Variants in VAV3 observed in about 807,000 individuals in gnomAD.
The protein encoded by VAV3 is guanine nucleotide exchange factor VAV3.
VAV3 carries 94 observed loss-of-function variants against 131.2 expected under a neutral mutation model. The observed-to-expected ratio is 0.72, with a 90% CI of 0.61 to 0.85. VAV3 has a LOEUF of 0.85. Ranked by LOEUF, VAV3 falls within the 40% of genes least tolerant of loss-of-function variation. The probability of loss-of-function intolerance (pLI) is 0.00; values close to 1 mark genes in which losing one functional copy is unlikely to be tolerated. For missense variants in VAV3, 939 were observed against 1,002.7 expected (o/e 0.94, Z 0.86); for synonymous variants, 349 against 342.0 (o/e 1.02, Z -0.22).
chr1:107,767,195 A>C (rs1351335699), intron 7 of VAV3, among the ~76,000 whole-genome samples: 1 of 152,216 alleles, frequency 6.6e-6, no homozygotes, highest in Non-Finnish European at 1.5e-5. Flanking sequence ...GGAGCAAATA[A>C]ATTGTATTCG....
chr1:107,725,173 C>G (rs1163697005), intron 15 of VAV3, among the ~76,000 whole-genome samples: 1 of 152,114 alleles, frequency 6.6e-6, no homozygotes, highest in Non-Finnish European at 1.5e-5. Context: ...TTACAACAGT[C>G]AGTTGGGAGT....
chr1:107,642,988 T>C (rs557643596), intron 19 of VAV3, among the ~76,000 whole-genome samples: 1 of 152,132 alleles, frequency 6.6e-6, no homozygotes, highest in Non-Finnish European at 1.5e-5. Flanking sequence ...TCCTCTCCCT[T>C]ACCATCAATC....
In VAV3 at chr1:107,573,955, A is replaced by G; in HGVS notation, c.2502+92T>C. ...TGTGGGCTGAAAGCTGTAATACAGT[A>G]TAGAGGCTTCTCCCTGGTGCCACAA... On this transcript the variant is annotated intron_variant, in intron 26 of 26. Transcript: ENST00000370056. The G allele has an allele frequency of 3.2e-6, 5 of 1,542,098 alleles. No individual in the cohort carries two copies. The South Asian group carries it at 6.3e-5, about 19-fold the overall frequency.
intron 1 of VAV3, among the ~76,000 whole-genome samples, chr1:107,933,859 G>A (rs915694005): frequency 2.0e-5 from 3 of 150,570 alleles, no homozygotes; most frequent in African/African-American, 2.4e-5. Context: ...TGAAAATTGC[G>A]ATTTTAAAAA....
intron 12 of VAV3, 39 bp downstream of exon 12, chr1:107,755,388 G>A (rs755535080): frequency 2.8e-6 from 4 of 1,403,942 alleles, no homozygotes; most frequent in African/African-American, 2.8e-5. Context: ...TCGTTGATGT[G>A]GGGGTGAGGG....
intron 2 of VAV3, among the ~76,000 whole-genome samples, chr1:107,816,405 T>C (rs948831636): frequency 6.6e-6 from 1 of 152,168 alleles, no homozygotes; most frequent in Non-Finnish European, 1.5e-5. Context: ...GCCAAGCATA[T>C]AGTGGTGATC....
intron 25 of VAV3, among the ~76,000 whole-genome samples, chr1:107,574,570 T>C (rs958648999): frequency 1.3e-5 from 2 of 152,232 alleles, no homozygotes; most frequent in African/African-American, 4.8e-5. Context: ...ACACTTCCTA[T>C]TGATGGCCCA....
At chr1:107,619,640 T>A (rs1653420597) in intron 20 of VAV3, among the ~76,000 whole-genome samples, 1 of 152,056 alleles carries the variant, frequency 6.6e-6, no homozygotes, top group Non-Finnish European at 1.5e-5. Context: ...AGGAAATAAG[T>A]CTATTTTGCG....
At chr1:107,582,760 G>C (rs1296224665) in intron 25 of VAV3, among the ~76,000 whole-genome samples, 1 of 152,018 alleles carries the variant, frequency 6.6e-6, no homozygotes, top group African/African-American at 2.4e-5. Context: ...TTTTATGGCT[G>C]CATAGTATTC....
At chr1:107,754,911 C>G (rs1664010567) in intron 12 of VAV3, among the ~76,000 whole-genome samples, 1 of 152,108 alleles carries the variant, frequency 6.6e-6, no homozygotes, top group Non-Finnish European at 1.5e-5. Context: ...CTTATCTAAA[C>G]TAGGACTCCC....
At chr1:107,753,083 A>G (rs1324183747) in intron 12 of VAV3, among the ~76,000 whole-genome samples, 4 of 152,158 alleles carry the variant, frequency 2.6e-5, no homozygotes, top group Non-Finnish European at 4.4e-5. Flanking sequence ...ACAGTGAGGT[A>G]TTTATATAAA....
At chr1:107,674,788 G>T (rs1468177128) in intron 19 of VAV3, among the ~76,000 whole-genome samples, 4 of 152,146 alleles carry the variant, frequency 2.6e-5, no homozygotes, top group Admixed American at 2.6e-4. Flanking sequence ...ATATGGCAAA[G>T]GTGATGGGAT....
chr1:107,585,432 G>A (rs1180952842), intron 25 of VAV3, among the ~76,000 whole-genome samples: 3 of 151,846 alleles, frequency 2.0e-5, no homozygotes, highest in African/African-American at 7.3e-5. Context: ...TTTCTCCTTT[G>A]CCCACATCCC....
chr1:107,635,278 T>C (rs1327005075), intron 20 of VAV3, among the ~76,000 whole-genome samples: 1 of 152,002 alleles, frequency 6.6e-6, no homozygotes, highest in Non-Finnish European at 1.5e-5. Context: ...CACCAAGGAA[T>C]ACTATGCAGC....
intron 2 of VAV3, among the ~76,000 whole-genome samples, chr1:107,873,691 A>T (rs898308552): frequency 2.0e-5 from 3 of 152,142 alleles, no homozygotes; most frequent in African/African-American, 7.2e-5. Flanking sequence ...TTGGACCTCA[A>T]GACAGTTAAA....
chr1:107,734,220 C>T (rs527315009), intron 15 of VAV3, among the ~76,000 whole-genome samples: 42 of 152,172 alleles, frequency 2.8e-4, no homozygotes, highest in African/African-American at 8.9e-4. Context: ...GCACTAAACA[C>T]GGAAAGGAAC....
intron 2 of VAV3, among the ~76,000 whole-genome samples, chr1:107,860,221 A>G (rs1050958181): frequency 1.3e-5 from 2 of 152,170 alleles, no homozygotes; most frequent in Non-Finnish European, 2.9e-5. Flanking sequence ...TCTTGACTCA[A>G]GCCATCCTCC....
chr1:107,780,635 C>T (rs1445351372), intron 2 of VAV3, among the ~76,000 whole-genome samples: 36 of 152,080 alleles, frequency 2.4e-4, no homozygotes, highest in Admixed American at 2.4e-3. Flanking sequence ...CATGCCTCAG[C>T]CTCTCAAGTA....
intron 15 of VAV3, among the ~76,000 whole-genome samples, chr1:107,711,803 T>C (rs1660798984): frequency 1.3e-5 from 2 of 152,196 alleles, no homozygotes; most frequent in Middle Eastern, 3.4e-3. Flanking sequence ...TTCTCATGCC[T>C]CAGCCTCCTG....
Sources: gnomAD v4.1 joint callset for allele counts (sites outside exome capture counted in the v4.1 genomes callset) on GRCh38, gnomAD v4.1.1 for gene constraint, MANE v1.5 for transcripts, NCBI Gene and HGNC (gene_info 2026-07-23, HGNC 2026-07-21) for gene names.